Variants in URB1 observed in about 807,000 individuals in gnomAD.
URB1 encodes nucleolar pre-ribosomal-associated protein 1.
In URB1, 197 loss-of-function variants were observed where a neutral mutation model predicts 242.3. That is an observed-to-expected ratio of 0.81 (90% confidence interval 0.72 to 0.91). The LOEUF is 0.91. Among genes scored for constraint, URB1 ranks in the 40% least tolerant of loss-of-function variants. The probability of loss-of-function intolerance (pLI) is 0.00; values close to 1 mark genes in which losing one functional copy is unlikely to be tolerated. For missense variants in URB1, 2,721 were observed against 2,860.5 expected, an observed-to-expected ratio of 0.95 and a Z score of 1.11; for synonymous variants, 1,153 against 1,201.8, an observed-to-expected ratio of 0.96 and a Z score of 0.84.
At chr21:32,342,924 A>T (rs1210648510) in intron 24 of URB1, among the ~76,000 whole-genome samples, 2 of 152,210 alleles carry the variant, frequency 1.3e-5, no homozygotes, top group Non-Finnish European at 2.9e-5. Context: ...ACTGCGTGAT[A>T]CATGATGGTA....
In URB1 at chr21:32,347,403, T is replaced by C; in HGVS notation, c.3421A>G (p.Thr1141Ala). 6.4e-7 allele frequency: 1 copy of C among 1,551,470 alleles called. No individual in the cohort carries two copies. Among genetic ancestry groups the C allele is most frequent in the Non-Finnish European group, 8.7e-7 (1 of 1,146,940 alleles). Residue 1141 changes from threonine to alanine, a missense_variant, in exon 22 of 39, where the codon ACG becomes GCG. Coordinates refer to ENST00000382751, the MANE Select transcript of URB1 (RefSeq NM_014825.3). ...TGTCTTTCCTTCCCGGGGGATTTCGTGGGTTGCTGGGTCACCAGGTGTGTC... is the reference window on the plus strand; with the variant it reads ...TGTCTTTCCTTCCCGGGGGATTTCGCGGGTTGCTGGGTCACCAGGTGTGTC... ...PETHLVTQQP[T>A]KSPGKERHLN...
intron 17 of URB1, 143 bp downstream of exon 17, chr21:32,354,716 C>T (rs2123589959): frequency 9.0e-7 from 1 of 1,112,928 alleles, no homozygotes; most frequent in South Asian, 2.0e-5. Context: ...GAGATTATTT[C>T]CAGAACAGGC....
At chr21:32,338,611 G>A (rs1396005057) in intron 26 of URB1, 96 bp downstream of exon 26, 11 of 1,374,794 alleles carry the variant, frequency 8.0e-6, no homozygotes, top group African/African-American at 4.3e-5. Flanking sequence ...CCTTAGCTCC[G>A]AGAGCCGGAG....
At position 32,325,511 on chromosome 21, in the gene URB1, G is replaced by T. The variant is rs151151018; in HGVS notation, c.4961-122C>A. The T allele has an allele frequency of 1.9e-5, 25 of 1,289,034 alleles. No homozygotes were observed. In the East Asian group the frequency reaches 5.8e-4, roughly 30 times the overall value. The allele number at this position is 1,289,034 out of a possible 1,614,324, so 79.8% of individuals were successfully genotyped here. A position where few individuals can be genotyped will look rare whatever the true frequency, so the allele number is the denominator to read the frequency against. ...GCTACATGTGCCAAGCACAAGGAAT[G>T]CAAGTCTCTCTCCAACTCCTCCTAA... On this transcript the variant is annotated intron_variant, in intron 30 of 38. Coordinates refer to ENST00000382751, the MANE Select transcript of URB1 (RefSeq NM_014825.3).
Position 32,373,631 on chromosome 21 carries a change from C to T in URB1, c.876+16G>A. 1 of 1,528,318 alleles carries T rather than the reference C, an allele frequency of 6.5e-7. No individual in the cohort carries two copies. Among genetic ancestry groups the T allele is most frequent in the Non-Finnish European group, 8.8e-7 (1 of 1,139,792 alleles). 94.7% of individuals were successfully genotyped at this position (1,528,318 alleles called of 1,614,324 possible). On this transcript the variant is annotated intron_variant, in intron 7 of 38. Coordinates refer to ENST00000382751, the MANE Select transcript of URB1 (RefSeq NM_014825.3). ...TTCCAACAACGAGGTCAACGAAAAC[C>T]AAAAAGTGTCTGCACCTTGACATTT...
At chr21:32,372,004 C>A (rs1339954372) in intron 8 of URB1, among the ~76,000 whole-genome samples, 1 of 152,168 alleles carries the variant, frequency 6.6e-6, no homozygotes, top group Admixed American at 6.5e-5. Flanking sequence ...CATGGGCAGC[C>A]TGTCAAGGAG....
At chr21:32,378,722 T>A (rs895808507) in intron 4 of URB1, among the ~76,000 whole-genome samples, 181 bp from the exon 5 acceptor site, 4 of 152,144 alleles carry the variant, frequency 2.6e-5, no homozygotes, top group Admixed American at 2.0e-4. Context: ...AAGTAAAAAA[T>A]TTTTTCCGTT....
At chr21:32,362,057 T>G (rs1255819969) in intron 11 of URB1, 36 bp from the exon 12 acceptor site, 1 of 1,547,736 alleles carries the variant, frequency 6.5e-7, no homozygotes, top group Non-Finnish European at 8.7e-7. Context: ...TTAGTTGTAG[T>G]CAACCACAAA....
rs1359992074 is a variant in URB1, at chr21:32,311,489, C to T, written c.*3429G>A. ...ACCTGAGGCCTAGTTCCTGACAAAG[C>T]ACTTCCTCTCCTCTGAGATTTCTCT... On this transcript the variant is annotated 3_prime_UTR_variant, in exon 39 of 39. Coordinates refer to ENST00000382751, the MANE Select transcript of URB1 (RefSeq NM_014825.3). 1.7e-5 allele frequency: 9 copies of T among 536,766 alleles called. No homozygotes were observed. In the African/African-American group the frequency reaches 1.8e-4, roughly 11 times the overall value. The allele number at this position is 536,766 out of a possible 1,614,324, so 33.3% of individuals were successfully genotyped here.
chr21:32,345,503 T>C lies in URB1; in HGVS notation c.3941A>G (p.Asp1314Gly). The change falls in exon 23 of 39, where the codon GAC becomes GGC. Residue 1314 changes from aspartate (D) to glycine (G), a missense_variant. Transcript: ENST00000382751. ...GTACAGCCCAGATGCTGGGGGACTG[T>C]CAGTGCTAAGAAGCCTGCTCTGTAG... The part of the protein sequence containing the change: ...RQLQSRLLST[D>G]SPPASGLYQE... 2 of 1,551,464 alleles carry C rather than the reference T, an allele frequency of 1.3e-6. No individual in the cohort carries two copies. Among genetic ancestry groups the C allele is most frequent in the Non-Finnish European group, 1.7e-6 (2 of 1,146,842 alleles).
intron 30 of URB1, among the ~76,000 whole-genome samples, chr21:32,325,591 T>C (rs1318648926): frequency 6.6e-6 from 1 of 152,210 alleles, no homozygotes; most frequent in African/African-American, 2.4e-5. Flanking sequence ...ATAATGACCA[T>C]ACCTTCAGTT....
At position 32,314,262 on chromosome 21, in the gene URB1, G is replaced by C. The variant is rs545645991; in HGVS notation, c.*656C>G. On this transcript the variant is annotated 3_prime_UTR_variant, in exon 39 of 39. Transcript: ENST00000382751. ...CGCAATGGCACGATCTCAGCTCACTGTAGCCTCCACCTCCCAGGTTCAAGC... is the reference window on the plus strand; with the variant it reads ...CGCAATGGCACGATCTCAGCTCACTCTAGCCTCCACCTCCCAGGTTCAAGC... 2.7e-6 allele frequency: 1 copy of C among 371,236 alleles called. No homozygotes were observed. The highest frequency in any genetic ancestry group is 3.8e-5 in the Admixed American group (1 of 26,266). 23.0% of individuals were successfully genotyped at this position (371,236 alleles called of 1,614,324 possible). A position where few individuals can be genotyped will look rare whatever the true frequency, so the allele number is the denominator to read the frequency against.
At chr21:32,379,549 G>A (rs1157649225) in intron 4 of URB1, among the ~76,000 whole-genome samples, 1 of 152,226 alleles carries the variant, frequency 6.6e-6, no homozygotes, top group Non-Finnish European at 1.5e-5. Flanking sequence ...ATGATGAGGA[G>A]GAGGAGGAGA....
At position 32,346,941 on chromosome 21, in the gene URB1, T is replaced by C. The variant is rs2033092291; in HGVS notation, c.3868+15A>G. ...ACTTAAGACCCCAGCTGCCCAAAGCTAGCCTTTCCCTTACCTCCTGCTGGG... is the reference window on the plus strand; with the variant it reads ...ACTTAAGACCCCAGCTGCCCAAAGCCAGCCTTTCCCTTACCTCCTGCTGGG... On this transcript the variant is annotated intron_variant, in intron 22 of 38. Coordinates refer to ENST00000382751, the MANE Select transcript of URB1 (RefSeq NM_014825.3). The C allele has an allele frequency of 6.7e-7, 1 of 1,489,910 alleles. No individual in the cohort carries two copies. The highest frequency in any genetic ancestry group is 2.2e-5 in the Admixed American group (1 of 45,476). 92.3% of individuals were successfully genotyped at this position (1,489,910 alleles called of 1,614,324 possible).
intron 1 of URB1, among the ~76,000 whole-genome samples, chr21:32,391,159 C>A (rs1340387132): frequency 6.9e-6 from 1 of 144,996 alleles, no homozygotes; most frequent in South Asian, 2.2e-4. Context: ...TAGGTGGGAA[C>A]TGAACAATGA....
At chr21:32,365,811 C>A (rs1057180761) in intron 10 of URB1, among the ~76,000 whole-genome samples, 1 of 152,228 alleles carries the variant, frequency 6.6e-6, no homozygotes, top group South Asian at 2.1e-4. Context: ...ACAGGGCCAA[C>A]TGAGGCCTGT....
At chr21:32,383,636 C>A (rs2033551161) in intron 3 of URB1, 82 bp from the exon 4 acceptor site, 1 of 1,394,970 alleles carries the variant, frequency 7.2e-7, no homozygotes, top group Non-Finnish European at 9.4e-7. Context: ...CAGCTGCAAG[C>A]TGCTTGTGTT....
intron 27 of URB1, 119 bp downstream of exon 27, chr21:32,337,285 G>T: frequency 1.5e-6 from 2 of 1,331,422 alleles, no homozygotes; most frequent in Non-Finnish European, 2.1e-6. Flanking sequence ...TGCTTGCACC[G>T]CCTGGTCTCA....
At chr21:32,321,994 C>G in intron 33 of URB1, 50 bp from the exon 34 acceptor site, 1 of 1,537,874 alleles carries the variant, frequency 6.5e-7, no homozygotes, top group Non-Finnish European at 8.8e-7. Flanking sequence ...AAAGTCCTTT[C>G]ATCTGACAAC....
Sources: gnomAD v4.1 joint callset for allele counts (sites outside exome capture counted in the v4.1 genomes callset) on GRCh38, gnomAD v4.1.1 for gene constraint, MANE v1.5 for transcripts, NCBI Gene and HGNC (gene_info 2026-07-23, HGNC 2026-07-21) for gene names.